Variants in TRERF1 observed in about 807,000 individuals in gnomAD.
TRERF1 encodes the protein transcriptional-regulating factor 1.
A neutral mutation model predicts 122.9 loss-of-function variants in TRERF1; 27 were observed. That is an observed-to-expected ratio of 0.22 (90% CI 0.16 to 0.30). The LOEUF is 0.30. TRERF1 is among the 10% of genes least tolerant of loss of function. TRERF1 has a pLI of 1.00. For synonymous variants in TRERF1, 636 were observed against 641.7 expected (o/e 0.99, Z 0.13); for missense variants, 1,248 against 1,560.3 (o/e 0.80, Z 3.37).
chr6:42,336,363 CCTGGG>C, intron 3 of TRERF1, among the ~76,000 whole-genome samples: 1 of 152,158 alleles, frequency 6.6e-6, no homozygotes, highest in Non-Finnish European at 1.5e-5. Flanking sequence ...TGCCTCATCC[CCTGGG>C]TCTTGAGAGG....
intron 3 of TRERF1, among the ~76,000 whole-genome samples, chr6:42,337,131 TG>T (rs1766349965): frequency 6.6e-6 from 1 of 152,034 alleles, no homozygotes; most frequent in African/African-American, 2.4e-5. Context: ...AGTGGGAGCA[TG>T]AAGGAGTTGG....
intron 3 of TRERF1, among the ~76,000 whole-genome samples, chr6:42,353,324 C>T (rs1405436479): frequency 1.3e-5 from 2 of 151,638 alleles, no homozygotes; most frequent in Middle Eastern, 6.9e-3. Context: ...TGGTGGCTCA[C>T]TCCCGAAATC....
intron 6 of TRERF1, among the ~76,000 whole-genome samples, chr6:42,265,410 A>G (rs752179375): frequency 1.3e-5 from 2 of 152,256 alleles, no homozygotes; most frequent in Non-Finnish European, 2.9e-5. Flanking sequence ...TGGACAGAAC[A>G]TGGGCTTTGC....
At position 42,422,098 on chromosome 6, in the gene TRERF1, G is replaced by T. The variant is rs1044035879; in HGVS notation, c.-454+29079C>A. Among the ~76,000 whole-genome samples the T allele has an allele frequency of 2.0e-5, 3 of 152,002 alleles. No homozygotes were observed. In the South Asian group the frequency reaches 6.3e-4, roughly 32 times the overall value. ...AGGCAGGAAGAATCGTTTGAACCCA[G>T]GAGACAGAGGTTGCAGTGAGCCAAG... On this transcript the variant is annotated intron_variant, in intron 2 of 17. Transcript: ENST00000372922.
exon 16 of TRERF1, chr6:42,236,237 A>G (rs1342347996): frequency 3.1e-5 from 49 of 1,602,846 alleles, no homozygotes; most frequent in African/African-American, 5.4e-5. Flanking sequence ...CAGATGAAGG[A>G]GCCTGAGGGC....
intron 3 of TRERF1, among the ~76,000 whole-genome samples, chr6:42,356,668 G>A (rs752907670): frequency 4.6e-5 from 7 of 152,170 alleles, no homozygotes; most frequent in African/African-American, 9.6e-5. Context: ...TTCATCTCCC[G>A]GGTTCAAGCG....
intron 2 of TRERF1, among the ~76,000 whole-genome samples, chr6:42,364,938 T>C (rs1407890412): frequency 6.6e-6 from 1 of 151,690 alleles, no homozygotes; most frequent in Non-Finnish European, 1.5e-5. Context: ...AGGGAGAGGG[T>C]TCTCTCTGGC....
rs185013040 is a variant in TRERF1 at position 42,311,803 on chromosome 6, G to A, written c.-370-11054C>T. Among the ~76,000 whole-genome samples the A allele has an allele frequency of 7.2e-3, 1,097 of 151,460 alleles. 6 individuals are homozygous for A. Among genetic ancestry groups the A allele is most frequent in the Non-Finnish European group, 0.011 (752 of 67,834 alleles). On this transcript the variant is annotated intron_variant, in intron 3 of 17. Transcript: ENST00000372922. ...AAAAAAAAAAAAAGAGATCATGGAG[G>A]GTTGTGAGCAGAGGAGAGATGGGGT...
rs752906671 is a variant in TRERF1, at chr6:42,228,537, C to A, written c.3411G>T (p.Gly1137=). 3 of 1,614,198 alleles carry A rather than the reference C, an allele frequency of 1.9e-6. No individual in the cohort carries two copies. The highest frequency in any genetic ancestry group is 2.2e-5 in the South Asian group (2 of 91,088). ...GCAGCAGCCCCGGCGCCCCCACGGG[C>A]CCCGTAGTCCTCTCAATCGTGGCTG... The change falls in exon 18 of 18, where the codon GGG becomes GGT. Residue 1137 remains glycine, a synonymous_variant. Coordinates refer to ENST00000372922, the Ensembl canonical transcript of TRERF1. The surrounding 1 kb of genome is among the most constrained non-coding windows in gnomAD (Gnocchi z 4.2).
At chr6:42,313,237 G>A (rs779139227) in intron 3 of TRERF1, among the ~76,000 whole-genome samples, 9 of 152,134 alleles carry the variant, frequency 5.9e-5, no homozygotes, top group African/African-American at 1.4e-4. Flanking sequence ...AGAAGGCTCC[G>A]GCTCTGAGTC....
intron 14 of TRERF1, among the ~76,000 whole-genome samples, chr6:42,245,012 A>G (rs1473717428): frequency 6.6e-6 from 1 of 152,220 alleles, no homozygotes; most frequent in Non-Finnish European, 1.5e-5. Flanking sequence ...CTGTCTCCTC[A>G]AAGTTGCCCC....
intron 3 of TRERF1, among the ~76,000 whole-genome samples, chr6:42,329,375 C>T (rs569502205): frequency 1.6e-4 from 24 of 152,126 alleles, no homozygotes; most frequent in Admixed American, 1.2e-3. Flanking sequence ...GCCTCTGAAT[C>T]GCTCCAGTTC....
chr6:42,229,051 G>A (rs1465434810), intron 17 of TRERF1, among the ~76,000 whole-genome samples: 1 of 152,204 alleles, frequency 6.6e-6, no homozygotes. Flanking sequence ...AGCCCTGATG[G>A]TCCCCATCAT....
intron 4 of TRERF1, among the ~76,000 whole-genome samples, chr6:42,271,802 T>G (rs1780269191): frequency 6.6e-6 from 1 of 152,202 alleles, no homozygotes; most frequent in African/African-American, 2.4e-5. Flanking sequence ...TAAAAAAGTT[T>G]CAACTTTATA....
At chr6:42,242,917 G>A (rs1774015609) in intron 15 of TRERF1, among the ~76,000 whole-genome samples, 3 of 152,106 alleles carry the variant, frequency 2.0e-5, no homozygotes, top group Middle Eastern at 3.2e-3. Context: ...GAATATTCCA[G>A]GGGGTCAGGA....
At chr6:42,404,848 AAC>A (rs1779941779) in intron 2 of TRERF1, among the ~76,000 whole-genome samples, 1 of 152,182 alleles carries the variant, frequency 6.6e-6, no homozygotes. Flanking sequence ...ATCAAAAGAG[AAC>A]AGTTCTCATT....
chr6:42,310,484 G>A (rs1399282230), intron 3 of TRERF1, among the ~76,000 whole-genome samples: 2 of 152,220 alleles, frequency 1.3e-5, no homozygotes, highest in Non-Finnish European at 2.9e-5. Flanking sequence ...TCAACAGGGA[G>A]TGATTTTACT....
intron 2 of TRERF1, among the ~76,000 whole-genome samples, chr6:42,441,548 A>G (rs1295687180): frequency 1.3e-5 from 2 of 152,154 alleles, no homozygotes; most frequent in Non-Finnish European, 2.9e-5. Flanking sequence ...GGCAAGGGGG[A>G]AGAAAATATT....
chr6:42,246,436 A>G lies in TRERF1; in HGVS notation c.2745+20T>C. 3.3e-6 allele frequency: 5 copies of G among 1,538,352 alleles called. No individual in the cohort carries two copies. Among genetic ancestry groups the G allele is most frequent in the South Asian group, 2.4e-5 (2 of 82,512 alleles). ...TCCCAAATTTAATTTCAAGGGGGCA[A>G]TGGGAAAAATCATGCTTACCATCTT... On this transcript the variant is annotated intron_variant, in intron 14 of 17. Coordinates refer to ENST00000372922, the Ensembl canonical transcript of TRERF1.
Sources: allele counts gnomAD v4.1 joint callset (sites outside exome capture counted in the v4.1 genomes callset), GRCh38; gene constraint gnomAD v4.1.1; non-coding constraint Gnocchi (gnomAD v3.1); transcripts MANE v1.5; gene names NCBI Gene and HGNC (gene_info 2026-07-23, HGNC 2026-07-21).